The following ASCC3 variants were observed in gnomAD, a reference collection of about 807,000 sequenced individuals.
ASCC3 encodes activating signal cointegrator 1 complex subunit 3, also known as ASC-1 complex subunit P200.
In ASCC3, 158 loss-of-function variants were observed where a neutral mutation model predicts 256.3. That is an observed-to-expected ratio of 0.62 (90% CI 0.54 to 0.70). The LOEUF (loss-of-function observed/expected upper bound fraction) is 0.70. Ranked by LOEUF, ASCC3 falls within the 30% of genes least tolerant of loss-of-function variation. The pLI is 0.00. For missense variants in ASCC3, 2,259 were observed against 2,626.0 expected, an observed-to-expected ratio of 0.86 and a Z score of 3.05; for synonymous variants, 948 against 883.4, an observed-to-expected ratio of 1.07 and a Z score of -1.30.
chr6:100,731,229 A>G (rs959074651), intron 10 of ASCC3, among the ~76,000 whole-genome samples: 14 of 152,198 alleles, frequency 9.2e-5, no homozygotes, highest in African/African-American at 3.1e-4. Context: ...ATGTAAAAAA[A>G]TACTTTCCAG....
chr6:100,657,481 T>C (rs1775975241), intron 16 of ASCC3, among the ~76,000 whole-genome samples: 1 of 151,524 alleles, frequency 6.6e-6, no homozygotes, highest in Non-Finnish European at 1.5e-5. Flanking sequence ...AATCCATTAT[T>C]TGACAGACCA....
In ASCC3 at chr6:100,724,096, T is replaced by C. The variant is rs150360018; in HGVS notation, c.1902+1443A>G. ...AACATAAACAATAAACATTACAAGATTGAGAACAGGGAAGAAGCAAGGAAG... is the reference window on the plus strand; with the variant it reads ...AACATAAACAATAAACATTACAAGACTGAGAACAGGGAAGAAGCAAGGAAG... On this transcript the variant is annotated intron_variant, in intron 11 of 41. Coordinates refer to ENST00000369162, the MANE Select transcript of ASCC3 (RefSeq NM_006828.4). 1.3e-3 allele frequency among the ~76,000 whole-genome samples: 183 copies of C among 144,640 alleles called. 1 individual carries two copies. The highest frequency in any genetic ancestry group is 3.9e-3 in the African/African-American group (156 of 39,588). The allele number at this position is 144,640 out of a possible 152,430, so 94.9% of individuals were successfully genotyped here.
At chr6:100,820,707 C>T (rs1368351761) in intron 4 of ASCC3, among the ~76,000 whole-genome samples, 6 of 110,972 alleles carry the variant, frequency 5.4e-5, no homozygotes, top group African/African-American at 1.8e-4. Context: ...AGGTAACCCA[C>T]AGAATAGGAA....
At chr6:100,664,238 T>C (rs1005884154) in intron 14 of ASCC3, among the ~76,000 whole-genome samples, 5 of 152,108 alleles carry the variant, frequency 3.3e-5, no homozygotes, top group African/African-American at 7.2e-5. Flanking sequence ...GTTTTTTCCC[T>C]ACACTTTTTA....
chr6:100,555,196 A>C (rs576660402), intron 36 of ASCC3, among the ~76,000 whole-genome samples: 1 of 152,094 alleles, frequency 6.6e-6, no homozygotes, highest in Non-Finnish European at 1.5e-5. Context: ...GCTAATTAAA[A>C]ATTTTCTAAT....
intron 19 of ASCC3, among the ~76,000 whole-genome samples, chr6:100,650,925 T>C (rs1421018296): frequency 6.6e-6 from 1 of 151,872 alleles, no homozygotes; most frequent in African/African-American, 2.4e-5. Context: ...TTACATTTTA[T>C]TATTCATCAC....
At chr6:100,836,265 T>C (rs1230765099) in intron 4 of ASCC3, among the ~76,000 whole-genome samples, 2 of 152,120 alleles carry the variant, frequency 1.3e-5, no homozygotes, top group Non-Finnish European at 2.9e-5. Context: ...CTACCTGCTC[T>C]GGCTAGGACT....
intron 36 of ASCC3, among the ~76,000 whole-genome samples, chr6:100,578,067 C>A (rs1770971288): frequency 6.6e-6 from 1 of 151,974 alleles, no homozygotes; most frequent in South Asian, 2.1e-4. Context: ...CAGAAACTGT[C>A]TGTTGTCTCC....
intron 3 of ASCC3, chr6:100,859,170 C>A (rs1773103137): frequency 1.3e-6 from 1 of 780,090 alleles, no homozygotes; most frequent in Admixed American, 1.7e-5. Context: ...TCTTTTCCAT[C>A]CAGCCTCCTC....
Position 100,588,942 on chromosome 6 carries a change from A to G in ASCC3, c.5550+692T>C, listed in dbSNP as rs1771844709. On this transcript the variant is annotated intron_variant, in intron 36 of 41. Transcript: ENST00000369162. The stretch of plus-strand genomic sequence containing the variant: ...ACATCTGAAGGATAAGATAACAGTA[A>G]GAATATATGAATATCCTAACTAATG... Among the ~76,000 whole-genome samples the G allele has an allele frequency of 3.9e-5, 6 of 152,178 alleles. No homozygotes were observed. In the South Asian group the frequency reaches 1.2e-3, roughly 31 times the overall value.
chr6:100,678,068 T>C (rs1170838886), intron 14 of ASCC3, among the ~76,000 whole-genome samples: 1 of 152,144 alleles, frequency 6.6e-6, no homozygotes, highest in Non-Finnish European at 1.5e-5. Context: ...TCATAGATTG[T>C]AAGGATTGAA....
In ASCC3 at chr6:100,777,481, A is replaced by AC. The variant is rs145789795; in HGVS notation, c.1396-10137_1396-10136insG. Among the ~76,000 whole-genome samples the AC allele has an allele frequency of 0.013, 1,962 of 152,248 alleles. 99 individuals are homozygous for AC. In the East Asian group the frequency reaches 0.15, roughly 12 times the overall value. Reference sequence around the variant, plus strand: ...TTCTAATTAGGGTGGAAGACAAAAAAAAATCAACATGTTTACTAATTTAAA... The same window carrying AC: ...TTCTAATTAGGGTGGAAGACAAAAAACAAATCAACATGTTTACTAATTTAAA... On this transcript the variant is annotated intron_variant, in intron 8 of 41. Transcript: ENST00000369162.
intron 11 of ASCC3, among the ~76,000 whole-genome samples, chr6:100,719,786 C>T (rs1489101397): frequency 1.3e-5 from 2 of 151,872 alleles, no homozygotes; most frequent in African/African-American, 2.4e-5. Context: ...TCGGATTAGA[C>T]AGTATATTTC....
intron 8 of ASCC3, among the ~76,000 whole-genome samples, chr6:100,790,633 T>C (rs1276862944): frequency 2.0e-5 from 3 of 151,972 alleles, no homozygotes; most frequent in Admixed American, 2.0e-4. Flanking sequence ...ATAACTTAAA[T>C]TCATTAGATT....
chr6:100,809,604 C>T (rs1770361764), intron 4 of ASCC3, among the ~76,000 whole-genome samples: 1 of 151,988 alleles, frequency 6.6e-6, no homozygotes, highest in Non-Finnish European at 1.5e-5. Context: ...TACCAATAGA[C>T]ATAAACCACA....
intron 30 of ASCC3, among the ~76,000 whole-genome samples, chr6:100,621,736 G>A (rs1196933658): frequency 6.6e-6 from 1 of 152,082 alleles, no homozygotes; most frequent in East Asian, 1.9e-4. Context: ...TCCCATTACT[G>A]GGCATATACC....
At chr6:100,553,827 C>T (rs1769426724) in intron 36 of ASCC3, among the ~76,000 whole-genome samples, 1 of 152,132 alleles carries the variant, frequency 6.6e-6, no homozygotes, top group Non-Finnish European at 1.5e-5. Context: ...GCCATAAACT[C>T]AGCCACTCCA....
intron 5 of ASCC3, among the ~76,000 whole-genome samples, chr6:100,802,420 T>C (rs1769963859): frequency 1.3e-5 from 2 of 152,206 alleles, no homozygotes; most frequent in South Asian, 4.1e-4. Context: ...GGAAGCTTCC[T>C]AAGGATTCCC....
At chr6:100,638,969 G>A (rs1434793466) in intron 24 of ASCC3, 148 bp from the exon 25 acceptor site, 5 of 702,266 alleles carry the variant, frequency 7.1e-6, no homozygotes, top group South Asian at 5.1e-5. Flanking sequence ...TACAGATCTG[G>A]CATTTCAACA....
Sources: allele counts gnomAD v4.1 joint callset (sites outside exome capture counted in the v4.1 genomes callset), GRCh38; gene constraint gnomAD v4.1.1; transcripts MANE v1.5; gene names NCBI Gene and HGNC (gene_info 2026-07-23, HGNC 2026-07-21).